The following RANBP17 variants were observed in gnomAD, a reference collection of about 807,000 sequenced individuals.
The protein encoded by RANBP17 is ran-binding protein 17.
RANBP17 carries 158 observed loss-of-function variants against 141.2 expected under a neutral mutation model. The observed-to-expected ratio is 1.12, with a 90% CI of 0.98 to 1.28. The LOEUF is 1.28. Ranked by LOEUF, RANBP17 falls within the 50% of genes most tolerant of loss-of-function variation. RANBP17 has a pLI of 0.00. For missense variants in RANBP17, 1,438 were observed against 1,290.7 expected (o/e 1.11, Z -1.75); for synonymous variants, 430 against 450.0 (o/e 0.96, Z 0.56).
rs767654377 is a variant in RANBP17, at chr5:170,968,244, T to G, written c.1577T>G (p.Val526Gly). The G allele has an allele frequency of 6.4e-7, 1 of 1,558,998 alleles. No homozygotes were observed. Among genetic ancestry groups the G allele is most frequent in the Non-Finnish European group, 8.6e-7 (1 of 1,162,346 alleles). ...DAMDGELSCR[V>G]FQLISLMDTG... ...TTTTTTATTTTCCCTTCATGAAGAGTTTTTCAGCTTATATCTTTAATGGAT... is the reference window on the plus strand; with the variant it reads ...TTTTTTATTTTCCCTTCATGAAGAGGTTTTCAGCTTATATCTTTAATGGAT... The change falls in exon 14 of 28, where the codon GTT becomes GGT. Residue 526 changes from valine (V) to glycine (G), a missense_variant and splice_region_variant. Val to Gly is a moderately radical substitution (Grantham distance 109, BLOSUM62 -3). Transcript: ENST00000523189.
intron 14 of RANBP17, among the ~76,000 whole-genome samples, chr5:171,082,610 C>G (rs1207720624): frequency 1.3e-5 from 2 of 152,120 alleles, no homozygotes; most frequent in Non-Finnish European, 2.9e-5. Context: ...GACTCTGCCC[C>G]TAATTTTCTG....
chr5:170,898,715 C>T (rs4337864), intron 5 of RANBP17, among the ~76,000 whole-genome samples: 91,411 of 151,944 alleles, frequency 0.6, 29,215 homozygotes, highest in South Asian at 0.88. Context: ...CAGGTAGGGG[C>T]CCAGTTTCAG....
At chr5:171,280,670 C>T (rs1767800427) in intron 25 of RANBP17, among the ~76,000 whole-genome samples, 1 of 152,186 alleles carries the variant, frequency 6.6e-6, no homozygotes, top group African/African-American at 2.4e-5. Context: ...GTAATCTTAT[C>T]ACTATTTGAA....
intron 24 of RANBP17, among the ~76,000 whole-genome samples, chr5:171,258,056 A>T (rs1766021961): frequency 6.6e-6 from 1 of 151,590 alleles, no homozygotes; most frequent in African/African-American, 2.4e-5. Context: ...CAGTGAGCCG[A>T]GATCGCTTCA....
intron 5 of RANBP17, among the ~76,000 whole-genome samples, chr5:170,905,870 T>TG (rs1771036251): frequency 6.6e-6 from 1 of 152,130 alleles, no homozygotes; most frequent in Non-Finnish European, 1.5e-5. Context: ...GCCCTGGAAA[T>TG]GAGAGTTTGT....
At position 171,267,200 on chromosome 5, in the gene RANBP17, A is replaced by ATT. The variant is rs75633814; in HGVS notation, c.2943+1369_2943+1370dup. The stretch of plus-strand genomic sequence containing the variant: ...AGGTGCACACCACCACATCCAGCTA[A>ATT]TTTTTTTTTTTTTTTTTGGAGAGAA... On this transcript the variant is annotated intron_variant, in intron 25 of 27. Coordinates refer to ENST00000523189, the MANE Select transcript of RANBP17 (RefSeq NM_022897.5). 2.2e-3 allele frequency among the ~76,000 whole-genome samples: 296 copies of ATT among 131,946 alleles called. 7 individuals are homozygous for ATT. In the South Asian group the frequency reaches 0.041, roughly 18 times the overall value. 86.6% of individuals were successfully genotyped at this position (131,946 alleles called of 152,430 possible).
chr5:170,862,627 A>C (rs1431328889), intron 1 of RANBP17, among the ~76,000 whole-genome samples: 1 of 152,148 alleles, frequency 6.6e-6, no homozygotes, highest in African/African-American at 2.4e-5. Context: ...AGGGAGGGCT[A>C]CGCGGCCGCC....
At chr5:170,911,201 G>A (rs1771500604) in intron 7 of RANBP17, 67 bp downstream of exon 7, 1 of 1,384,906 alleles carries the variant, frequency 7.2e-7, no homozygotes. Context: ...TATAGTTTCT[G>A]TATGTATAGT....
At chr5:171,296,986 C>G (rs1395301315) in intron 27 of RANBP17, among the ~76,000 whole-genome samples, 1 of 152,174 alleles carries the variant, frequency 6.6e-6, no homozygotes, top group African/African-American at 2.4e-5. Context: ...GGTTGTGTGG[C>G]AGTAGGCAGT....
intron 14 of RANBP17, among the ~76,000 whole-genome samples, chr5:171,109,442 A>C (rs1296635614): frequency 6.6e-6 from 1 of 152,194 alleles, no homozygotes; most frequent in Non-Finnish European, 1.5e-5. Flanking sequence ...TTGAAGTTTT[A>C]ATTGTAATTT....
chr5:171,148,183 T>C (rs1460790625), intron 14 of RANBP17, among the ~76,000 whole-genome samples: 8 of 152,094 alleles, frequency 5.3e-5, no homozygotes, highest in African/African-American at 1.9e-4. Context: ...AACAGATGCT[T>C]GAAGGCAGCA....
At chr5:171,254,195 C>T (rs1224714550) in intron 24 of RANBP17, among the ~76,000 whole-genome samples, 2 of 145,052 alleles carry the variant, frequency 1.4e-5, no homozygotes, top group East Asian at 2.0e-4. Flanking sequence ...TGCAGTGAGA[C>T]GAGATCATGT....
intron 3 of RANBP17, among the ~76,000 whole-genome samples, chr5:170,886,906 G>C (rs1306390990): frequency 6.6e-6 from 1 of 151,546 alleles, no homozygotes; most frequent in Non-Finnish European, 1.5e-5. Context: ...CAAGCGATCC[G>C]CCTGCCTCAG....
chr5:171,102,034 T>C (rs1787201339), intron 14 of RANBP17, among the ~76,000 whole-genome samples: 2 of 152,206 alleles, frequency 1.3e-5, no homozygotes, highest in Non-Finnish European at 1.5e-5. Context: ...ATTTTTTCCT[T>C]CATTTCAACC....
intron 14 of RANBP17, among the ~76,000 whole-genome samples, chr5:170,999,345 G>A (rs987204011): frequency 6.6e-6 from 1 of 151,852 alleles, no homozygotes; most frequent in Non-Finnish European, 1.5e-5. Context: ...GTATAAGCTG[G>A]CTTTATTTTA....
At chr5:170,896,542 T>C (rs1258668045) in intron 5 of RANBP17, among the ~76,000 whole-genome samples, 1 of 152,180 alleles carries the variant, frequency 6.6e-6, no homozygotes, top group Non-Finnish European at 1.5e-5. Flanking sequence ...AAACAGGCTT[T>C]TTTTTGACTG....
At chr5:170,904,229 A>T in intron 5 of RANBP17, 1 of 273,840 alleles carries the variant, frequency 3.7e-6, no homozygotes, top group South Asian at 5.4e-5. Context: ...AGCTTTAGCA[A>T]ATAACACATA....
In RANBP17 at chr5:171,025,519, A is replaced by C. The variant is rs937143760; in HGVS notation, c.1710+57142A>C. ...TGTTTTCTCTAGGCAGCCTTCCCTCACCCTCACTCCCTCCTCTTAGGTTCT... is the reference window on the plus strand; with the variant it reads ...TGTTTTCTCTAGGCAGCCTTCCCTCCCCCTCACTCCCTCCTCTTAGGTTCT... On this transcript the variant is annotated intron_variant, in intron 14 of 27. Transcript: ENST00000523189. Among the ~76,000 whole-genome samples the C allele has an allele frequency of 2.0e-5, 3 of 146,774 alleles. No homozygotes were observed. In the South Asian group the frequency reaches 6.7e-4, roughly 33 times the overall value.
In RANBP17 at chr5:171,183,231, G is replaced by T. The variant is rs759341529; in HGVS notation, c.1929+1G>T. 6.3e-7 allele frequency: 1 copy of T among 1,599,470 alleles called. No homozygotes were observed. Among genetic ancestry groups the T allele is most frequent in the South Asian group, 1.1e-5 (1 of 90,712 alleles). On this transcript the variant is annotated splice_donor_variant, in intron 17 of 27. Coordinates refer to ENST00000523189, the MANE Select transcript of RANBP17 (RefSeq NM_022897.5). LOFTEE classifies it high-confidence loss of function. ...GAAATTCATGCTAAAAAACCACACG[G>T]TAAGTCTTATTTCTTTAATTAATGA...
Sources: gnomAD v4.1 joint callset for allele counts (sites outside exome capture counted in the v4.1 genomes callset) on GRCh38, gnomAD v4.1.1 for gene constraint, MANE v1.5 for transcripts, NCBI Gene and HGNC (gene_info 2026-07-23, HGNC 2026-07-21) for gene names.